Variants in NT5C2 observed in about 807,000 individuals in gnomAD.
NT5C2 encodes the protein 5'-nucleotidase, cytosolic II.
NT5C2 carries 58 observed loss-of-function variants against 76.1 expected under a neutral mutation model. That is an observed-to-expected ratio of 0.76 (90% confidence interval 0.62 to 0.95). NT5C2 has a LOEUF of 0.95. Ranked by LOEUF, NT5C2 falls within the 40% of genes least tolerant of loss-of-function variation. The pLI is 0.00. For synonymous variants in NT5C2, 229 were observed against 237.4 expected (o/e 0.96, Z 0.32); for missense variants, 478 against 690.3 (o/e 0.69, Z 3.45).
At chr10:103,139,102 A>G (rs1044908184) in intron 4 of NT5C2, among the ~76,000 whole-genome samples, 1 of 152,212 alleles carries the variant, frequency 6.6e-6, no homozygotes, top group African/African-American at 2.4e-5. Context: ...GCTAAGAGTA[A>G]AAGTCAAAAA....
At chr10:103,157,805 T>TAATCCCA (rs1304912497) in intron 3 of NT5C2, among the ~76,000 whole-genome samples, 1 of 152,166 alleles carries the variant, frequency 6.6e-6, no homozygotes, top group Non-Finnish European at 1.5e-5. Context: ...CCAGGTGCGG[T>TAATCCCA]GGCTCACACC....
intron 3 of NT5C2, among the ~76,000 whole-genome samples, chr10:103,168,675 A>G (rs577251261): frequency 1.3e-5 from 2 of 152,342 alleles, no homozygotes; most frequent in East Asian, 1.9e-4. Context: ...GGAAATGAAG[A>G]AGGAGCAACA....
At chr10:103,178,000 G>A (rs1236610434) in intron 2 of NT5C2, among the ~76,000 whole-genome samples, 7 of 152,152 alleles carry the variant, frequency 4.6e-5, no homozygotes, top group Admixed American at 6.6e-5. Flanking sequence ...AACTATCCTG[G>A]ATATTTCATA....
intron 3 of NT5C2, among the ~76,000 whole-genome samples, chr10:103,170,413 G>C (rs552676508): frequency 3.3e-5 from 5 of 151,602 alleles, no homozygotes; most frequent in African/African-American, 1.2e-4. Flanking sequence ...CTATATGAAA[G>C]AACGTAGGGT....
chr10:103,148,330 C>T (rs1033556452), intron 3 of NT5C2, among the ~76,000 whole-genome samples: 1 of 152,154 alleles, frequency 6.6e-6, no homozygotes, highest in African/African-American at 2.4e-5. Context: ...TGGCTGGGTG[C>T]GGTGGCTCAC....
intron 4 of NT5C2, among the ~76,000 whole-genome samples, chr10:103,116,742 AT>A (rs767356183): frequency 4.1e-3 from 581 of 141,750 alleles, no homozygotes; most frequent in Middle Eastern, 7.2e-3. Context: ...CACCTGGCTA[AT>A]TTTTTTTTTT....
At chr10:103,113,968 G>A (rs1337665278) in intron 4 of NT5C2, among the ~76,000 whole-genome samples, 1 of 152,254 alleles carries the variant, frequency 6.6e-6, no homozygotes, top group Non-Finnish European at 1.5e-5. Flanking sequence ...ATTAATGTGT[G>A]AAGTGGGATA....
intron 1 of NT5C2, among the ~76,000 whole-genome samples, chr10:103,184,311 G>C (rs1046041669): frequency 6.6e-6 from 1 of 151,912 alleles, no homozygotes; most frequent in African/African-American, 2.4e-5. Context: ...TATGTCACTT[G>C]TCCCAAACTG....
In NT5C2 at chr10:103,174,845, A is replaced by T; in HGVS notation, c.101+13T>A. The T allele has an allele frequency of 1.9e-6, 3 of 1,578,424 alleles. No individual in the cohort carries two copies. The highest frequency in any genetic ancestry group is 1.3e-5 in the African/African-American group (1 of 74,372). On this transcript the variant is annotated intron_variant, in intron 3 of 18. Coordinates refer to ENST00000404739, the MANE Select transcript of NT5C2 (RefSeq NM_001351169.2). Reference sequence around the variant, plus strand: ...TAGAGGGGTTTTGAGGATTAAATAGACAAAATACTTACCGATGATAGGCTT... The same window carrying T: ...TAGAGGGGTTTTGAGGATTAAATAGTCAAAATACTTACCGATGATAGGCTT...
At chr10:103,094,260 T>A (rs947174219) in intron 13 of NT5C2, 88 bp downstream of exon 13, 49 of 887,532 alleles carry the variant, frequency 5.5e-5, no homozygotes, top group South Asian at 2.0e-4. Context: ...AAAAAAAAAA[T>A]TCCTGTTTCC....
intron 3 of NT5C2, among the ~76,000 whole-genome samples, chr10:103,164,793 T>A (rs1016385182): frequency 6.6e-6 from 1 of 152,234 alleles, no homozygotes; most frequent in Non-Finnish European, 1.5e-5. Context: ...TTCCTCAACA[T>A]AAGTTTCTTC....
In NT5C2 at chr10:103,091,511, A is replaced by C. The variant is rs1479507242; in HGVS notation, c.1211+53T>G. The stretch of plus-strand genomic sequence containing the variant: ...CTGGCCTGGAAAGAACATTTCTTAT[A>C]TCTAAGTGATTCCTGAGTAAGTTTT... On this transcript the variant is annotated intron_variant, in intron 16 of 18. Coordinates refer to ENST00000404739, the MANE Select transcript of NT5C2 (RefSeq NM_001351169.2). 7.5e-6 allele frequency: 10 copies of C among 1,341,852 alleles called. No homozygotes were observed. The East Asian group carries it at 2.3e-4, about 31-fold the overall frequency. The allele number at this position is 1,341,852 out of a possible 1,614,324, so 83.1% of individuals were successfully genotyped here. A position where few individuals can be genotyped will look rare whatever the true frequency, so the allele number is the denominator to read the frequency against.
At chr10:103,163,724 A>C (rs940549168) in intron 3 of NT5C2, among the ~76,000 whole-genome samples, 3 of 151,024 alleles carry the variant, frequency 2.0e-5, no homozygotes, top group Non-Finnish European at 3.0e-5. Context: ...AAAAAAAAAA[A>C]CTCAAATGTG....
intron 1 of NT5C2, among the ~76,000 whole-genome samples, chr10:103,184,688 TC>T (rs930771543): frequency 1.3e-5 from 2 of 152,210 alleles, no homozygotes; most frequent in African/African-American, 4.8e-5. Context: ...ACTGCAGAAG[TC>T]CCTTTTAATA....
intron 11 of NT5C2, among the ~76,000 whole-genome samples, chr10:103,096,525 T>C (rs532170206): frequency 6.3e-4 from 96 of 152,190 alleles, no homozygotes; most frequent in African/African-American, 2.1e-3. Flanking sequence ...CATGCTTTAA[T>C]CATGGGAAAA....
intron 2 of NT5C2, among the ~76,000 whole-genome samples, chr10:103,178,728 G>A (rs1458432180): frequency 6.6e-6 from 1 of 151,030 alleles, no homozygotes; most frequent in Non-Finnish European, 1.5e-5. Flanking sequence ...TACTCAGGTG[G>A]CTGACGCAGG....
chr10:103,095,060 A>G (rs761231654), intron 12 of NT5C2, among the ~76,000 whole-genome samples: 51 of 152,302 alleles, frequency 3.3e-4, no homozygotes, highest in Admixed American at 5.9e-4. Flanking sequence ...GAAATTTGCT[A>G]AAAGGAGCTC....
chr10:103,100,510 T>C (rs1231527043), intron 8 of NT5C2, among the ~76,000 whole-genome samples: 3 of 152,214 alleles, frequency 2.0e-5, no homozygotes, highest in Admixed American at 6.5e-5. Flanking sequence ...CTCTGGTATA[T>C]AGATGGCTAA....
At chr10:103,116,306 C>T (rs2074314930) in intron 4 of NT5C2, among the ~76,000 whole-genome samples, 1 of 152,176 alleles carries the variant, frequency 6.6e-6, no homozygotes, top group South Asian at 2.1e-4. Flanking sequence ...TTTCATCCAT[C>T]TTCCCTAACT....
Sources: gnomAD v4.1 joint callset for allele counts (sites outside exome capture counted in the v4.1 genomes callset) on GRCh38, gnomAD v4.1.1 for gene constraint, MANE v1.5 for transcripts, NCBI Gene and HGNC (gene_info 2026-07-23, HGNC 2026-07-21) for gene names.